The following SLC2A2 variants were observed in gnomAD, a reference collection of about 807,000 sequenced individuals.
SLC2A2 encodes solute carrier family 2, facilitated glucose transporter member 2.
In SLC2A2, 36 loss-of-function variants were observed where a neutral mutation model predicts 54.5. The ratio of observed to expected loss-of-function variants is 0.66; its 90% CI spans 0.51 to 0.87. SLC2A2 has a LOEUF of 0.87. Among genes scored for constraint, SLC2A2 ranks in the 40% least tolerant of loss-of-function variants. The probability of loss-of-function intolerance (pLI) is 0.00; values close to 1 mark genes in which losing one functional copy is unlikely to be tolerated. For missense variants in SLC2A2, 543 were observed against 624.3 expected (o/e 0.87, Z 1.39); for synonymous variants, 223 against 219.1 (o/e 1.02, Z -0.16).
At chr3:171,017,931 T>C (rs1457541041) in intron 2 of SLC2A2, among the ~76,000 whole-genome samples, 1 of 152,226 alleles carries the variant, frequency 6.6e-6, no homozygotes, top group Non-Finnish European at 1.5e-5. Flanking sequence ...TTCTTGAATA[T>C]TATTCTAAAG....
chr3:171,009,919 G>T, intron 4 of SLC2A2, 39 bp downstream of exon 4: 1 of 1,380,052 alleles, frequency 7.2e-7, no homozygotes. Flanking sequence ...GTAGGTGTGT[G>T]TGTGTGTGTG....
Position 171,015,572 on chromosome 3 carries a change from T to A in SLC2A2, c.109-841A>T, listed in dbSNP as rs557017391. Among the ~76,000 whole-genome samples the A allele has an allele frequency of 2.5e-4, 38 of 152,164 alleles. No individual in the cohort carries two copies. The South Asian group carries it at 7.1e-3, about 28-fold the overall frequency. ...TTGACTTATACATATTTTAACAGAA[T>A]CATAAAAGTGGATATAAGAAAAAAG... On this transcript the variant is annotated intron_variant, in intron 2 of 10. Coordinates refer to ENST00000314251, the MANE Select transcript of SLC2A2 (RefSeq NM_000340.2).
Position 170,996,679 on chromosome 3 carries a change from A to G in SLC2A2, c.*1224T>C, listed in dbSNP as rs1375368446. The G allele has an allele frequency of 5.0e-6, 2 of 397,852 alleles. No homozygotes were observed. The highest frequency in any genetic ancestry group is 4.4e-6 in the Non-Finnish European group (1 of 225,604). The allele number at this position is 397,852 out of a possible 1,614,324, so 24.6% of individuals were successfully genotyped here. ...AATTTGCCTATGTAGGTAAAGGCAG[A>G]TAGATAGTGTACAATGCGTGTTAGT... On this transcript the variant is annotated 3_prime_UTR_variant, in exon 11 of 11. Transcript: ENST00000314251.
At position 171,007,219 on chromosome 3, in the gene SLC2A2, G is replaced by T; in HGVS notation, c.541C>A (p.Pro181Thr). The T allele has an allele frequency of 4.3e-6, 7 of 1,612,686 alleles. No homozygotes were observed. The highest frequency in any genetic ancestry group is 5.9e-6 in the Non-Finnish European group (7 of 1,179,078). ...CCAAGTGCTCCCCTGAGAGCGGTTG[G>T]AGCAATTTCACCGATATACATAGGA... ...LVPMYIGEIA[P>T]TALRGALGTF... is the part of the protein sequence containing the mutation. Residue 181 changes from proline (P) to threonine (T), a missense_variant, in exon 5 of 11, where the codon CCA becomes ACA. Pro to Thr is a conservative substitution (Grantham distance 38, BLOSUM62 -1). This residue lies in a region of SLC2A2 where 318 missense variants were observed against 343.8 expected (regional missense o/e 0.93). Coordinates refer to ENST00000314251, the MANE Select transcript of SLC2A2 (RefSeq NM_000340.2).
rs201797691 is a variant in SLC2A2, at chr3:170,997,989, C to T, written c.1489G>A (p.Ala497Thr). Residue 497 changes from alanine to threonine, a missense_variant, in exon 11 of 11, where the codon GCA becomes ACA. Physicochemically the swap from Ala to Thr is moderately conservative, Grantham distance 58. Transcript: ENST00000314251. ...TKGKSFEEIA[A>T]EFQKKSGSAH... ...GAGCCACTCTTCTTTTGGAATTCTGCAGCAATTTCCTCAAAAGACTTTCCT... is the reference window on the plus strand; with the variant it reads ...GAGCCACTCTTCTTTTGGAATTCTGTAGCAATTTCCTCAAAAGACTTTCCT... The T allele has an allele frequency of 1.0e-4, 167 of 1,613,652 alleles. 1 individual carries two copies. The East Asian group carries it at 3.7e-3, about 36-fold the overall frequency.
intron 2 of SLC2A2, 79 bp from the exon 3 acceptor site, chr3:171,014,810 G>C (rs7356034): frequency 8.8e-7 from 1 of 1,142,660 alleles, no homozygotes; most frequent in South Asian, 1.3e-5. Flanking sequence ...TGTTTGTTAC[G>C]TGTTTAAATA....
intron 1 of SLC2A2, among the ~76,000 whole-genome samples, chr3:171,020,980 A>G (rs1254430051): frequency 1.3e-5 from 2 of 151,586 alleles, no homozygotes; most frequent in Admixed American, 1.3e-4. Flanking sequence ...AGATATATTA[A>G]CATTTTATGT....
intron 1 of SLC2A2, among the ~76,000 whole-genome samples, chr3:171,022,810 A>G (rs55641619): frequency 0.2 from 31,109 of 152,170 alleles, 4,458 homozygotes; most frequent in African/African-American, 0.41. Context: ...GGTGATAGCG[A>G]TAGCTGCAGC....
chr3:170,999,989 C>A (rs1165325261), intron 8 of SLC2A2, among the ~76,000 whole-genome samples: 2 of 152,030 alleles, frequency 1.3e-5, no homozygotes, highest in African/African-American at 4.8e-5. Context: ...GAGTCACTCT[C>A]CCCCTCACCC....
chr3:171,003,308 G>A lies in SLC2A2; in HGVS notation c.964-628C>T, dbSNP rs529832009. Among the ~76,000 whole-genome samples the A allele has an allele frequency of 3.3e-5, 5 of 151,764 alleles. 1 individual carries two copies. Among genetic ancestry groups the A allele is most frequent in the South Asian group, 4.2e-4 (2 of 4,794 alleles). The stretch of plus-strand genomic sequence containing the variant: ...GTATTTTATTATATTAATATACCAC[G>A]ATTTACTACTATTCTATTGATGAGT... On this transcript the variant is annotated intron_variant, in intron 7 of 10. Coordinates refer to ENST00000314251, the MANE Select transcript of SLC2A2 (RefSeq NM_000340.2).
chr3:171,021,032 C>T (rs1400987628), intron 1 of SLC2A2, among the ~76,000 whole-genome samples: 1 of 151,770 alleles, frequency 6.6e-6, no homozygotes, highest in Non-Finnish European at 1.5e-5. Context: ...AAAATGCATA[C>T]ACACACTATA....
chr3:171,002,898 A>G (rs1715405819), intron 7 of SLC2A2, among the ~76,000 whole-genome samples: 1 of 152,034 alleles, frequency 6.6e-6, no homozygotes, highest in African/African-American at 2.4e-5. Flanking sequence ...TATTTAGTTG[A>G]GAACTCTGCT....
chr3:171,014,348 G>A, intron 3 of SLC2A2, 121 bp downstream of exon 3: 1 of 1,045,446 alleles, frequency 9.6e-7, no homozygotes, highest in Middle Eastern at 2.1e-4. Flanking sequence ...ATAGGGTCAT[G>A]AGTTGAAAAA....
In SLC2A2 at chr3:170,997,484, C is replaced by G. The variant is rs1266823491; in HGVS notation, c.*419G>C. On this transcript the variant is annotated 3_prime_UTR_variant, in exon 11 of 11. Transcript: ENST00000314251. ...AACTTATTGCCACTAGCCATATCTCCTTTAACATAAGATATATGGGTAAGA... is the reference window on the plus strand; with the variant it reads ...AACTTATTGCCACTAGCCATATCTCGTTTAACATAAGATATATGGGTAAGA... 5.8e-6 allele frequency: 1 copy of G among 173,440 alleles called. No individual in the cohort carries two copies. Among genetic ancestry groups the G allele is most frequent in the African/African-American group, 2.4e-5 (1 of 41,522 alleles). 10.7% of individuals were successfully genotyped at this position (173,440 alleles called of 1,614,324 possible). A position where few individuals can be genotyped will look rare whatever the true frequency, so the allele number is the denominator to read the frequency against.
At chr3:171,004,470 T>TC (rs1172696740) in intron 7 of SLC2A2, among the ~76,000 whole-genome samples, 1 of 151,884 alleles carries the variant, frequency 6.6e-6, no homozygotes, top group African/African-American at 2.4e-5. Context: ...TTCCTTTGCC[T>TC]CCCCCAAGTG....
At chr3:171,007,953 A>G (rs1316924734) in intron 4 of SLC2A2, among the ~76,000 whole-genome samples, 4 of 152,162 alleles carry the variant, frequency 2.6e-5, no homozygotes, top group African/African-American at 9.6e-5. Flanking sequence ...AATACAAAAC[A>G]TTGGAAAGCA....
At chr3:171,021,211 G>A (rs1716448232) in intron 1 of SLC2A2, among the ~76,000 whole-genome samples, 2 of 152,104 alleles carry the variant, frequency 1.3e-5, no homozygotes, top group South Asian at 2.1e-4. Context: ...TCCAAGGATA[G>A]GGATTTTCAT....
intron 9 of SLC2A2, 37 bp downstream of exon 9, chr3:170,999,028 T>A: frequency 7.7e-7 from 1 of 1,305,872 alleles, no homozygotes; most frequent in East Asian, 2.3e-5. Context: ...TACCATCATA[T>A]GTTAATGAAA....
At position 170,997,978 on chromosome 3, in the gene SLC2A2, T is replaced by C. The variant is rs1397909769; in HGVS notation, c.1500A>G (p.Gln500=). Residue 500 remains glutamine, a synonymous_variant, in exon 11 of 11, where the codon CAA becomes CAG. Coordinates refer to ENST00000314251, the MANE Select transcript of SLC2A2 (RefSeq NM_000340.2). The part of the protein sequence containing the change: ...KSFEEIAAEF[Q]KKSGSAHRPK... ...GCCTGTGGGCTGAGCCACTCTTCTT[T>C]TGGAATTCTGCAGCAATTTCCTCAA... 4 of 1,613,680 alleles carry C rather than the reference T, an allele frequency of 2.5e-6. No homozygotes were observed. Among genetic ancestry groups the C allele is most frequent in the African/African-American group, 2.7e-5 (2 of 74,896 alleles).
Sources: gnomAD v4.1 joint callset for allele counts (sites outside exome capture counted in the v4.1 genomes callset) on GRCh38, gnomAD v4.1.1 for gene constraint, gnomAD v4.1.1 regional missense constraint, MANE v1.5 for transcripts, NCBI Gene and HGNC (gene_info 2026-07-23, HGNC 2026-07-21) for gene names.